The following TOP3A variants were observed in gnomAD, a reference collection of about 807,000 sequenced individuals.
The protein encoded by TOP3A is DNA topoisomerase III alpha.
TOP3A carries 64 observed loss-of-function variants against 111.3 expected under a neutral mutation model. The ratio of observed to expected loss-of-function variants is 0.57; its 90% CI spans 0.47 to 0.71. The LOEUF (loss-of-function observed/expected upper bound fraction) is 0.71, where lower values mean the gene tolerates loss of function less well. TOP3A is among the 30% of genes least tolerant of loss of function. The pLI is 0.00. For synonymous variants in TOP3A, 484 were observed against 485.1 expected (o/e 1.00, Z 0.03); for missense variants, 1,104 against 1,285.0 (o/e 0.86, Z 2.15).
At chr17:18,310,284 G>C (rs1352076341) in intron 1 of TOP3A, among the ~76,000 whole-genome samples, 1 of 151,902 alleles carries the variant, frequency 6.6e-6, no homozygotes, top group East Asian at 2.0e-4. Flanking sequence ...AAATTAGCTG[G>C]GCGTGGTGGT....
rs556355768 is a variant in TOP3A, at chr17:18,298,737, T to C, written c.990+822A>G. Among the ~76,000 whole-genome samples, 27 of 152,326 alleles carry C rather than the reference T, an allele frequency of 1.8e-4. No individual in the cohort carries two copies. The South Asian group carries it at 5.4e-3, about 30-fold the overall frequency. On this transcript the variant is annotated intron_variant, in intron 9 of 18. Coordinates refer to ENST00000321105, the MANE Select transcript of TOP3A (RefSeq NM_004618.5). ...AAAATTCTTCTGCCTTGGGATCCTGTTGATCTGTGACCTTACCCCCAACCC... is the reference window on the plus strand; with the variant it reads ...AAAATTCTTCTGCCTTGGGATCCTGCTGATCTGTGACCTTACCCCCAACCC...
chr17:18,305,262 C>A, intron 4 of TOP3A, 42 bp from the exon 5 acceptor site: 1 of 1,500,222 alleles, frequency 6.7e-7, no homozygotes. Flanking sequence ...AACAGAATTG[C>A]ACAACAGTGA....
At position 18,272,937 on chromosome 17, in the gene TOP3A, G is replaced by A. The variant is rs533224009; in HGVS notation, c.*1865C>T. The A allele has an allele frequency of 1.3e-5, 2 of 152,284 alleles. No individual in the cohort carries two copies. Among genetic ancestry groups the A allele is most frequent in the South Asian group, 4.2e-4 (2 of 4,804 alleles). The allele number at this position is 152,284 out of a possible 1,614,324, so 9.4% of individuals were successfully genotyped here. On this transcript the variant is annotated 3_prime_UTR_variant, in exon 19 of 19. Transcript: ENST00000321105. Reference sequence around the variant, plus strand: ...CCCAAAGTGCTAGGATTACAGGCGTGAGCCACTGTGCCCAGCCTGGTATGA... The same window carrying A: ...CCCAAAGTGCTAGGATTACAGGCGTAAGCCACTGTGCCCAGCCTGGTATGA...
rs183537649 is a variant in TOP3A at position 18,282,760 on chromosome 17, C to T, written c.1959G>A (p.Glu653=). Residue 653 remains glutamate, a synonymous_variant, in exon 16 of 19, where the codon GAG becomes GAA. Coordinates refer to ENST00000321105, the MANE Select transcript of TOP3A (RefSeq NM_004618.5). The part of the protein sequence containing the change: ...QQEDIYPAMP[E]PIRKCPQCNK... The stretch of plus-strand genomic sequence containing the variant: ...TGCACTGTGGGCACTTCCTGATGGG[C>T]TCTGGCATGGCTGGGTAGATATCTT... The T allele has an allele frequency of 1.2e-6, 2 of 1,614,196 alleles. No homozygotes were observed. The highest frequency in any genetic ancestry group is 4.5e-5 in the East Asian group (2 of 44,886).
intron 13 of TOP3A, 77 bp from the exon 14 acceptor site, chr17:18,285,597 A>C (rs1597962375): frequency 8.0e-7 from 1 of 1,246,152 alleles, no homozygotes; most frequent in African/African-American, 1.5e-5. Context: ...CACCTTGCTC[A>C]CCCCGGAATC....
At chr17:18,295,961 G>T (rs528540373) in intron 9 of TOP3A, among the ~76,000 whole-genome samples, 2 of 149,440 alleles carry the variant, frequency 1.3e-5, no homozygotes, top group Non-Finnish European at 3.0e-5. Flanking sequence ...TAGAGACAGG[G>T]TTTCACCATG....
chr17:18,309,427 T>A (rs1320202669), intron 1 of TOP3A, among the ~76,000 whole-genome samples: 4 of 152,028 alleles, frequency 2.6e-5, no homozygotes, highest in Admixed American at 2.6e-4. Context: ...TGGATCACTT[T>A]AGGTCAGGAG....
rs370468725 is a variant in TOP3A, at chr17:18,314,710, G to A, written c.69C>T (p.Arg23=). ...LRRPEDRAFS[R]AAMEMALRGV... ...CTCGGAGGGCCATCTCCATGGCGGC[G>A]CGGGAAAAGGCACGGTCTTCGGGCC... Residue 23 remains arginine (R), a synonymous_variant, in exon 1 of 19, where the codon CGC becomes CGT. Coordinates refer to ENST00000321105, the MANE Select transcript of TOP3A (RefSeq NM_004618.5). 1.4e-4 allele frequency: 223 copies of A among 1,605,672 alleles called. No homozygotes were observed. The highest frequency in any genetic ancestry group is 5.7e-4 in the South Asian group (51 of 89,790).
chr17:18,290,481 G>C lies in TOP3A; in HGVS notation c.1597+76C>G, dbSNP rs902978553. 2.1e-6 allele frequency: 3 copies of C among 1,405,844 alleles called. No homozygotes were observed. In the African/African-American group the frequency reaches 4.3e-5, roughly 20 times the overall value. The allele number at this position is 1,405,844 out of a possible 1,614,324, so 87.1% of individuals were successfully genotyped here. On this transcript the variant is annotated intron_variant, in intron 13 of 18. Coordinates refer to ENST00000321105, the MANE Select transcript of TOP3A (RefSeq NM_004618.5). Reference sequence around the variant, plus strand: ...CAGCTGCATTAGAGAATGGTTTGAAGACTAGAGGAAACCTGTACCTGGTAC... The same window carrying C: ...CAGCTGCATTAGAGAATGGTTTGAACACTAGAGGAAACCTGTACCTGGTAC...
intron 17 of TOP3A, 70 bp downstream of exon 17, chr17:18,280,466 T>C: frequency 1.3e-6 from 2 of 1,556,294 alleles, no homozygotes; most frequent in Non-Finnish European, 1.7e-6. Context: ...CTCTCTGGGT[T>C]CTGGCAGGAG....
At chr17:18,292,246 AG>A (rs1375762362) in intron 11 of TOP3A, among the ~76,000 whole-genome samples, 1 of 152,174 alleles carries the variant, frequency 6.6e-6, no homozygotes, top group Non-Finnish European at 1.5e-5. Context: ...CTGCAGTGAC[AG>A]GGGGTGGCAC....
Position 18,292,741 on chromosome 17 carries a change from G to T in TOP3A, c.1185C>A (p.Ser395Arg), listed in dbSNP as rs529651014. 1 of 1,613,684 alleles carries T rather than the reference G, an allele frequency of 6.2e-7. No homozygotes were observed. Among genetic ancestry groups the T allele is most frequent in the Admixed American group, 1.7e-5 (1 of 59,964 alleles). Residue 395 changes from serine (S) to arginine (R), a missense_variant, in exon 11 of 19, where the codon AGC becomes AGA. Ser to Arg is a moderately radical substitution (Grantham distance 110, BLOSUM62 -1). Coordinates refer to ENST00000321105, the MANE Select transcript of TOP3A (RefSeq NM_004618.5). Reference protein sequence around the residue: ...PDPRWGAFAQSILERGGPTPR... With the variant: ...PDPRWGAFAQRILERGGPTPR... ...GGGTGGGACCACCCCGCTCTAGAATGCTCTGGGCAAAGGCCCCCCAGCGTG... is the reference window on the plus strand; with the variant it reads ...GGGTGGGACCACCCCGCTCTAGAATTCTCTGGGCAAAGGCCCCCCAGCGTG...
chr17:18,282,697 C>T lies in TOP3A; in HGVS notation c.2021+1G>A. On this transcript the variant is annotated splice_donor_variant, in intron 16 of 18. Transcript: ENST00000321105. LOFTEE classifies it high-confidence loss of function. ...GTGGGGGCAGAAGGCAGCGCACTCACCCGCCATTCTTCTTGGTCTTAAGGA... is the reference window on the plus strand; with the variant it reads ...GTGGGGGCAGAAGGCAGCGCACTCATCCGCCATTCTTCTTGGTCTTAAGGA... 6.2e-7 allele frequency: 1 copy of T among 1,613,196 alleles called. No homozygotes were observed. Among genetic ancestry groups the T allele is most frequent in the African/African-American group, 1.3e-5 (1 of 75,018 alleles).
Position 18,286,040 on chromosome 17 carries a change from A to G in TOP3A, c.1598-520T>C, listed in dbSNP as rs141041215. Among the ~76,000 whole-genome samples, 312 of 152,140 alleles carry G rather than the reference A, an allele frequency of 2.1e-3. 9 individuals are homozygous for G. In the East Asian group the frequency reaches 0.057, roughly 28 times the overall value. On this transcript the variant is annotated intron_variant, in intron 13 of 18. Transcript: ENST00000321105. The stretch of plus-strand genomic sequence containing the variant: ...CATGCTGAAACCCTGTCTCTATCAA[A>G]AATACAAAAATTAGCAGGGTGTGGC...
At chr17:18,312,142 A>C (rs1278194189) in intron 1 of TOP3A, 1 of 152,348 alleles carries the variant, frequency 6.6e-6, no homozygotes, top group Non-Finnish European at 1.5e-5. Flanking sequence ...TGACCAGTTC[A>C]CCCAGGCCTC....
chr17:18,279,202 C>T (rs1979595973), intron 17 of TOP3A, among the ~76,000 whole-genome samples: 1 of 152,040 alleles, frequency 6.6e-6, no homozygotes, highest in Non-Finnish European at 1.5e-5. Context: ...TATTTTATTA[C>T]CCTAAAAAAC....
chr17:18,302,432 C>T lies in TOP3A; in HGVS notation c.646G>A (p.Ala216Thr). Residue 216 changes from alanine to threonine, a missense_variant and splice_region_variant, in exon 7 of 19, where the codon GCT (alanine) becomes ACT (threonine). Transcript: ENST00000321105. Reference protein sequence around the residue: ...VRQELDLRIGAAFTRFQTLRL... With the variant: ...VRQELDLRIGTAFTRFQTLRL... ...AGGGTCTGGAACCTAGTAAAGGCAG[C>T]TCCTGGAGAGTGAAGGAGAGTGAAG... 2 of 1,593,600 alleles carry T rather than the reference C, an allele frequency of 1.3e-6. No homozygotes were observed. The highest frequency in any genetic ancestry group is 1.7e-6 in the Non-Finnish European group (2 of 1,170,584).
Position 18,286,229 on chromosome 17 carries a change from C to T in TOP3A, c.1598-709G>A, listed in dbSNP as rs188588273. Among the ~76,000 whole-genome samples, 25 of 148,048 alleles carry T rather than the reference C, an allele frequency of 1.7e-4. No individual in the cohort carries two copies. The East Asian group carries it at 3.2e-3, about 19-fold the overall frequency. On this transcript the variant is annotated intron_variant, in intron 13 of 18. Transcript: ENST00000321105. Reference sequence around the variant, plus strand: ...AAAAAAGAAAAAAAAAAGGGCTGGGCGTGGTGGCTCACGCCTGTAATCCCA... The same window carrying T: ...AAAAAAGAAAAAAAAAAGGGCTGGGTGTGGTGGCTCACGCCTGTAATCCCA...
chr17:18,289,635 C>A (rs1980343635), intron 13 of TOP3A, among the ~76,000 whole-genome samples: 1 of 152,180 alleles, frequency 6.6e-6, no homozygotes, highest in African/African-American at 2.4e-5. Flanking sequence ...TCAAGTGATT[C>A]ACCCATCTTG....
Sources: gnomAD v4.1 joint callset for allele counts (sites outside exome capture counted in the v4.1 genomes callset) on GRCh38, gnomAD v4.1.1 for gene constraint, MANE v1.5 for transcripts, NCBI Gene and HGNC (gene_info 2026-07-23, HGNC 2026-07-21) for gene names.